The following EXTL3 variants were observed in gnomAD, a reference collection of about 807,000 sequenced individuals.
EXTL3 encodes exostosin like glycosyltransferase 3.
EXTL3 carries 27 observed loss-of-function variants against 69.3 expected under a neutral mutation model. That is an observed-to-expected ratio of 0.39 (90% confidence interval 0.29 to 0.54). EXTL3 has a LOEUF of 0.54. Among genes scored for constraint, EXTL3 ranks in the 20% least tolerant of loss-of-function variants. The pLI is 0.69. For synonymous variants in EXTL3, 511 were observed against 499.4 expected (o/e 1.02, Z -0.31); for missense variants, 1,003 against 1,231.8 (o/e 0.81, Z 2.78).
At chr8:28,744,060 C>T (rs146101141) in intron 6 of EXTL3, 51 of 152,336 alleles carry the variant, frequency 3.3e-4, no homozygotes, top group African/African-American at 1.2e-3. Flanking sequence ...TTTGTGGGCT[C>T]TGTCAGCAAG....
rs1802010866 is a variant in EXTL3, at chr8:28,751,746, C to G, written c.*880C>G. 1 of 152,254 alleles carries G rather than the reference C, an allele frequency of 6.6e-6. No homozygotes were observed. Among genetic ancestry groups the G allele is most frequent in the African/African-American group, 2.4e-5 (1 of 41,444 alleles). The allele number at this position is 152,254 out of a possible 1,614,324, so 9.4% of individuals were successfully genotyped here. ...AAGAATAGGGGCTGAAGACGCCACT[C>G]CCAGATGGCTCTTTCTATCCTGCTC... is the stretch of plus-strand genomic sequence containing the variant. On this transcript the variant is annotated 3_prime_UTR_variant, in exon 7 of 7. Coordinates refer to ENST00000220562, the MANE Select transcript of EXTL3 (RefSeq NM_001440.4).
intron 6 of EXTL3, among the ~76,000 whole-genome samples, chr8:28,748,626 T>C (rs1801940222): frequency 6.6e-6 from 1 of 152,170 alleles, no homozygotes; most frequent in African/African-American, 2.4e-5. Context: ...TTATCACTCA[T>C]GTGAAGGAGT....
In EXTL3 at chr8:28,640,905, A is replaced by G. The variant is rs934681463; in HGVS notation, c.-53+18095A>G. 7.9e-5 allele frequency among the ~76,000 whole-genome samples: 12 copies of G among 152,316 alleles called. No homozygotes were observed. The East Asian group carries it at 2.3e-3, about 29-fold the overall frequency. On this transcript the variant is annotated intron_variant, in intron 1 of 6. Transcript: ENST00000523149. ...GCGTGAGCCACTACGCCCAGCTGTT[A>G]TTAGCACTTTTAACAGACTAGTGTA...
intron 1 of EXTL3, among the ~76,000 whole-genome samples, chr8:28,644,789 C>T (rs1313895217): frequency 1.3e-5 from 2 of 152,162 alleles, no homozygotes; most frequent in African/African-American, 2.4e-5. Flanking sequence ...ACTGTATGTA[C>T]GTGGGCTTGT....
chr8:28,729,351 C>T (rs951483587), intron 3 of EXTL3, among the ~76,000 whole-genome samples: 1 of 148,820 alleles, frequency 6.7e-6, no homozygotes, highest in Non-Finnish European at 1.5e-5. Context: ...AGTCCCAGCA[C>T]TTTGGGAGGC....
chr8:28,724,384 G>T (rs1011462186), intron 3 of EXTL3, among the ~76,000 whole-genome samples: 1 of 152,174 alleles, frequency 6.6e-6, no homozygotes, highest in African/African-American at 2.4e-5. Flanking sequence ...GAAAACCAAT[G>T]CACTGTTACC....
intron 1 of EXTL3, among the ~76,000 whole-genome samples, chr8:28,683,798 A>G (rs1184279977): frequency 6.6e-6 from 1 of 151,954 alleles, no homozygotes; most frequent in Non-Finnish European, 1.5e-5. Context: ...CCACAGTGTG[A>G]GACTCCGTCT....
At chr8:28,742,231 A>G (rs1027005729) in intron 5 of EXTL3, 1 of 152,172 alleles carries the variant, frequency 6.6e-6, no homozygotes, top group Non-Finnish European at 1.5e-5. Context: ...GATTTTTAAT[A>G]TAATTTTAAT....
intron 1 of EXTL3, among the ~76,000 whole-genome samples, chr8:28,674,433 C>G (rs1159702531): frequency 6.6e-6 from 1 of 152,112 alleles, no homozygotes; most frequent in African/African-American, 2.4e-5. Context: ...TGGTTGGAAC[C>G]CTAATGTCAT....
rs1802023821 is a variant in EXTL3, at chr8:28,752,250, C to T, written c.*1384C>T. 6.6e-6 allele frequency: 1 copy of T among 152,456 alleles called. No individual in the cohort carries two copies. Among genetic ancestry groups the T allele is most frequent in the Non-Finnish European group, 1.5e-5 (1 of 68,054 alleles). 9.4% of individuals were successfully genotyped at this position (152,456 alleles called of 1,614,324 possible). A position where few individuals can be genotyped will look rare whatever the true frequency, so the allele number is the denominator to read the frequency against. ...ACTGAAATAAGCTAATTTTTTGGGTCACGGTGGCAGTAGGGGAACCTAGGA... is the reference window on the plus strand; with the variant it reads ...ACTGAAATAAGCTAATTTTTTGGGTTACGGTGGCAGTAGGGGAACCTAGGA... On this transcript the variant is annotated 3_prime_UTR_variant, in exon 7 of 7. Coordinates refer to ENST00000220562, the MANE Select transcript of EXTL3 (RefSeq NM_001440.4).
At chr8:28,614,868 G>T (rs1806312063) in intron 2 of EXTL3, among the ~76,000 whole-genome samples, 1 of 152,170 alleles carries the variant, frequency 6.6e-6, no homozygotes, top group Admixed American at 6.5e-5. Flanking sequence ...TTGTTACATA[G>T]GTAAATGTGT....
intron 2 of EXTL3, among the ~76,000 whole-genome samples, chr8:28,616,745 A>C (rs1437619585): frequency 1.3e-5 from 2 of 152,150 alleles, no homozygotes; most frequent in Non-Finnish European, 2.9e-5. Context: ...TGCGCTGAGT[A>C]TAGATTTGGG....
chr8:28,726,879 C>CTTTTTT (rs11458194), intron 3 of EXTL3, among the ~76,000 whole-genome samples: 1,116 of 99,708 alleles, frequency 0.011, no homozygotes, highest in African/African-American at 0.017. Flanking sequence ...CTTTTCTTTT[C>CTTTTTT]TTTTTTTTTT....
At chr8:28,621,608 G>A (rs757178993), upstream of EXTL3, among the ~76,000 whole-genome samples, 2 of 152,170 alleles carry the variant, frequency 1.3e-5, no homozygotes, top group Admixed American at 6.5e-5. Flanking sequence ...GTTCCCTAAC[G>A]CCTCAGAATG....
intron 1 of EXTL3, among the ~76,000 whole-genome samples, chr8:28,634,689 G>A (rs745741803): frequency 2.1e-4 from 32 of 151,674 alleles, no homozygotes; most frequent in Non-Finnish European, 4.0e-4. Flanking sequence ...TCCACCCCCG[G>A]GTTCAAGTGA....
intron 4 of EXTL3, among the ~76,000 whole-genome samples, chr8:28,735,289 C>T (rs759790288): frequency 3.9e-5 from 6 of 152,072 alleles, no homozygotes; most frequent in African/African-American, 4.8e-5. Flanking sequence ...TGAGCATAGT[C>T]GTGGAGTGTT....
intron 1 of EXTL3, among the ~76,000 whole-genome samples, chr8:28,671,309 G>GTTTTTTTTT (rs749395423): frequency 5.0e-4 from 45 of 89,622 alleles, no homozygotes; most frequent in South Asian, 8.5e-4. Context: ...TTTGTTTTTT[G>GTTTTTTTTT]TTTTTTTTTT....
chr8:28,663,239 G>A (rs995617747), intron 1 of EXTL3, among the ~76,000 whole-genome samples: 3 of 152,136 alleles, frequency 2.0e-5, no homozygotes, highest in Admixed American at 6.6e-5. Context: ...CAGGAAACAT[G>A]CCATGGTAAG....
intron 6 of EXTL3, among the ~76,000 whole-genome samples, chr8:28,747,504 A>T (rs142267706): frequency 6.6e-6 from 1 of 152,116 alleles, no homozygotes; most frequent in Admixed American, 6.6e-5. Context: ...AAGTTATGGG[A>T]TGTGTCTTTC....
Sources: allele counts gnomAD v4.1 joint callset (sites outside exome capture counted in the v4.1 genomes callset), GRCh38; gene constraint gnomAD v4.1.1; transcripts MANE v1.5; gene names NCBI Gene and HGNC (gene_info 2026-07-23, HGNC 2026-07-21).